The following KCNK3 variants were observed in gnomAD, a reference collection of about 807,000 sequenced individuals.
The protein encoded by KCNK3 is potassium channel subfamily K member 3.
KCNK3 carries 9 observed loss-of-function variants against 27.3 expected under a neutral mutation model. The observed-to-expected ratio is 0.33, with a 90% CI of 0.20 to 0.57. The LOEUF (loss-of-function observed/expected upper bound fraction) is 0.57. Ranked by LOEUF, KCNK3 falls within the 20% of genes least tolerant of loss-of-function variation. The probability of loss-of-function intolerance (pLI) is 0.87; values close to 1 mark genes in which losing one functional copy is unlikely to be tolerated. For synonymous variants in KCNK3, 278 were observed against 273.8 expected (o/e 1.02, Z -0.15); for missense variants, 391 against 577.7 (o/e 0.68, Z 3.31).
chr2:26,717,788 C>T (rs1490870919), intron 1 of KCNK3, among the ~76,000 whole-genome samples: 1 of 152,202 alleles, frequency 6.6e-6, no homozygotes, highest in Admixed American at 6.5e-5. Context: ...GCATTGCCTG[C>T]TTTAGCCCTC....
intron 1 of KCNK3, among the ~76,000 whole-genome samples, chr2:26,700,958 C>A (rs1170756398): frequency 1.3e-5 from 2 of 152,170 alleles, no homozygotes; most frequent in Admixed American, 1.3e-4. Context: ...TAAGTCAATA[C>A]TTCTCAAACT....
chr2:26,717,937 G>T (rs930544300), intron 1 of KCNK3, among the ~76,000 whole-genome samples: 3 of 152,168 alleles, frequency 2.0e-5, no homozygotes, highest in Non-Finnish European at 4.4e-5. Context: ...AGGTGTGAGG[G>T]ATCCAGTAGC....
intron 1 of KCNK3, chr2:26,724,648 C>T (rs1456886110): frequency 2.0e-6 from 2 of 983,836 alleles, no homozygotes; most frequent in Admixed American, 1.2e-4. Flanking sequence ...GGAGGCACAT[C>T]TAGGCCAGGG....
At position 26,728,215 on chromosome 2, in the gene KCNK3, A is replaced by T. The variant is rs368524386; in HGVS notation, c.832A>T (p.Ser278Cys). The change falls in exon 2 of 2, where the codon AGC becomes TGC. Residue 278 changes from serine (S) to cysteine (C), a missense_variant. Ser to Cys is a moderately radical substitution (Grantham distance 112). Coordinates refer to ENST00000302909, the MANE Select transcript of KCNK3 (RefSeq NM_002246.3). ...GGCGGGCGGCGGCGGAGGGGGTGGC[A>T]GCGCGCACACTACGGACACCGCCTC... Reference protein sequence around the residue: ...GQAGGGGGGGSAHTTDTASST... With the variant: ...GQAGGGGGGGCAHTTDTASST... 379 of 1,562,388 alleles carry T rather than the reference A, an allele frequency of 2.4e-4. No homozygotes were observed. The highest frequency in any genetic ancestry group is 5.1e-4 in the South Asian group (44 of 86,290).
At chr2:26,723,101 A>C (rs555081280) in intron 1 of KCNK3, among the ~76,000 whole-genome samples, 1 of 152,334 alleles carries the variant, frequency 6.6e-6, no homozygotes, top group East Asian at 1.9e-4. Context: ...TCAAGCAAGC[A>C]GACTAGCAGG....
At position 26,732,144 on chromosome 2, in the gene KCNK3, C is replaced by T. The variant is rs2148041556; in HGVS notation, c.*3576C>T. 6.6e-6 allele frequency: 1 copy of T among 152,484 alleles called. No homozygotes were observed. Among genetic ancestry groups the T allele is most frequent in the East Asian group, 1.9e-4 (1 of 5,188 alleles). 9.4% of individuals were successfully genotyped at this position (152,484 alleles called of 1,614,324 possible). A position where few individuals can be genotyped will look rare whatever the true frequency, so the allele number is the denominator to read the frequency against. On this transcript the variant is annotated 3_prime_UTR_variant, in exon 2 of 2. Transcript: ENST00000302909. ...GTGAGAGCAGACCCACCTTATCCAT[C>T]TGGTGCCAGCTCCCCAGGTCAGCTA... is the stretch of plus-strand genomic sequence containing the variant.
In KCNK3 at chr2:26,730,508, C is replaced by G. The variant is rs1049307353; in HGVS notation, c.*1940C>G. ...GGGGTGGATGAGGGGCCTCTCCTCC[C>G]GCAACACTGCCTTCCCATGCTGTTC... On this transcript the variant is annotated 3_prime_UTR_variant, in exon 2 of 2. Transcript: ENST00000302909. The G allele has an allele frequency of 1.3e-5, 2 of 152,350 alleles. No homozygotes were observed. The highest frequency in any genetic ancestry group is 2.9e-5 in the Non-Finnish European group (2 of 68,150). The allele number at this position is 152,350 out of a possible 1,614,324, so 9.4% of individuals were successfully genotyped here.
intron 1 of KCNK3, among the ~76,000 whole-genome samples, chr2:26,694,421 T>G (rs1204290497): frequency 6.6e-6 from 1 of 152,192 alleles, no homozygotes; most frequent in Non-Finnish European, 1.5e-5. Flanking sequence ...ATTGTTTTCC[T>G]GGGAGTCAAC....
At chr2:26,715,584 G>A (rs180995274) in intron 1 of KCNK3, among the ~76,000 whole-genome samples, 37 of 152,364 alleles carry the variant, frequency 2.4e-4, no homozygotes, top group Non-Finnish European at 4.3e-4. Context: ...GAGAAGCTGG[G>A]TACCAACACG....
At chr2:26,720,740 G>A (rs554547566) in intron 1 of KCNK3, among the ~76,000 whole-genome samples, 3 of 152,280 alleles carry the variant, frequency 2.0e-5, no homozygotes, top group African/African-American at 7.2e-5. Flanking sequence ...AGCTGGGAGA[G>A]GAGATGGGAC....
chr2:26,729,146 C>A lies in KCNK3; in HGVS notation c.*578C>A. 6.5e-6 allele frequency: 1 copy of A among 152,744 alleles called. No homozygotes were observed. 9.5% of individuals were successfully genotyped at this position (152,744 alleles called of 1,614,324 possible). On this transcript the variant is annotated 3_prime_UTR_variant, in exon 2 of 2. Transcript: ENST00000302909. ...ACCCAGCAGTCCCTAAAGCTGGTCC[C>A]CAGAAAGCAGGACAGAAAGAAGGAG...
Position 26,728,598 on chromosome 2 carries a change from G to T in KCNK3, c.*30G>T, listed in dbSNP as rs571255777. 6 of 1,408,746 alleles carry T rather than the reference G, an allele frequency of 4.3e-6. No individual in the cohort carries two copies. Among genetic ancestry groups the T allele is most frequent in the Non-Finnish European group, 5.5e-6 (6 of 1,082,214 alleles). 87.3% of individuals were successfully genotyped at this position (1,408,746 alleles called of 1,614,324 possible). A position where few individuals can be genotyped will look rare whatever the true frequency, so the allele number is the denominator to read the frequency against. On this transcript the variant is annotated 3_prime_UTR_variant, in exon 2 of 2. Transcript: ENST00000302909. The stretch of plus-strand genomic sequence containing the variant: ...CCCGAGGGGCCTGGAGCACCTGGGG[G>T]CGCGGGCGGGGGACCCCTGCTGGGA...
chr2:26,721,317 G>A lies in KCNK3; in HGVS notation c.284-6350G>A, dbSNP rs1195957670. 2.2e-4 allele frequency among the ~76,000 whole-genome samples: 33 copies of A among 152,100 alleles called. No individual in the cohort carries two copies. The highest frequency in any genetic ancestry group is 2.0e-3 in the Admixed American group (31 of 15,282). ...GGTTCCCAGAAGGTTCTCGGGAAAG[G>A]CAGTGTCTGAGCTGCATCTCACAGG... is the stretch of plus-strand genomic sequence containing the variant. On this transcript the variant is annotated intron_variant, in intron 1 of 1. Transcript: ENST00000302909. The surrounding 1 kb of genome is among the most constrained non-coding windows in gnomAD (Gnocchi z 4.3).
chr2:26,728,503 G>C lies in KCNK3; in HGVS notation c.1120G>C (p.Val374Leu). 6.5e-7 allele frequency: 1 copy of C among 1,526,788 alleles called. No individual in the cohort carries two copies. The highest frequency in any genetic ancestry group is 8.8e-7 in the Non-Finnish European group (1 of 1,134,230). 94.6% of individuals were successfully genotyped at this position (1,526,788 alleles called of 1,614,324 possible). A position where few individuals can be genotyped will look rare whatever the true frequency, so the allele number is the denominator to read the frequency against. The change falls in exon 2 of 2, where the codon GTG becomes CTG. Residue 374 changes from valine (V) to leucine (L), a missense_variant. Coordinates refer to ENST00000302909, the MANE Select transcript of KCNK3 (RefSeq NM_002246.3). Reference protein sequence around the residue: ...SGAPRSAISSVSTGLHSLSTF... With the variant: ...SGAPRSAISSLSTGLHSLSTF... ...GGCGCCACGCTCCGCCATCAGCTCGGTGTCCACGGGTCTGCACAGCCTGTC... is the reference window on the plus strand; with the variant it reads ...GGCGCCACGCTCCGCCATCAGCTCGCTGTCCACGGGTCTGCACAGCCTGTC...
At chr2:26,694,212 A>G (rs1321863544) in intron 1 of KCNK3, among the ~76,000 whole-genome samples, 1 of 152,130 alleles carries the variant, frequency 6.6e-6, no homozygotes, top group African/African-American at 2.4e-5. Context: ...GGTGGCCAAA[A>G]TGATCTCAAG....
chr2:26,722,983 G>T (rs182293914), intron 1 of KCNK3, among the ~76,000 whole-genome samples: 4 of 152,244 alleles, frequency 2.6e-5, no homozygotes, highest in Non-Finnish European at 5.9e-5. Context: ...TTTGATCAGG[G>T]TCAGGTCAGA....
chr2:26,727,895 T>G lies in KCNK3; in HGVS notation c.512T>G (p.Leu171Arg). 6.2e-7 allele frequency: 1 copy of G among 1,614,218 alleles called. No individual in the cohort carries two copies. Among genetic ancestry groups the G allele is most frequent in the Non-Finnish European group, 8.5e-7 (1 of 1,180,042 alleles). ...LIGFFSCIST[L>R]CIGAAAFSHY... is the part of the protein sequence containing the mutation. ...GGCTTCTTCTCGTGCATCAGCACGC[T>G]GTGCATCGGCGCCGCCGCCTTCTCC... Residue 171 changes from leucine to arginine, a missense_variant, in exon 2 of 2, where the codon CTG (leucine) becomes CGG (arginine). By Grantham distance (102) the Leu-to-Arg change is moderately radical (BLOSUM62 -2). Around this residue, in one of 4 missense-constraint regions of KCNK3, gnomAD observed 158 missense variants for 267.7 expected, o/e 0.59. Transcript: ENST00000302909.
Position 26,693,221 on chromosome 2 carries a change from C to G in KCNK3, c.283+63C>G. ...TGGGCGCGGGGCTCCGGGAGTCGTC[C>G]GGGGCCGGCTGGGGCTGGGGGCGGG... On this transcript the variant is annotated intron_variant, in intron 1 of 1. Transcript: ENST00000302909. The surrounding 1 kb of genome is among the most constrained non-coding windows in gnomAD (Gnocchi z 5.5). The G allele has an allele frequency of 4.2e-5, 13 of 306,976 alleles. No individual in the cohort carries two copies. Among genetic ancestry groups the G allele is most frequent in the South Asian group, 9.8e-5 (2 of 20,332 alleles). The allele number at this position is 306,976 out of a possible 1,614,324, so 19.0% of individuals were successfully genotyped here.
In KCNK3 at chr2:26,693,202, C is replaced by A; in HGVS notation, c.283+44C>A. On this transcript the variant is annotated intron_variant, in intron 1 of 1. Transcript: ENST00000302909. This position sits in a 1 kb window ranked among gnomAD's most constrained non-coding sequence, Gnocchi z 5.5. ...GGGGGCGGGAACCCAGGGCTGGGCG[C>A]GGGGCTCCGGGAGTCGTCCGGGGCC... The A allele has an allele frequency of 1.3e-6, 1 of 765,072 alleles. No homozygotes were observed. The highest frequency in any genetic ancestry group is 1.7e-6 in the Non-Finnish European group (1 of 575,120). 47.4% of individuals were successfully genotyped at this position (765,072 alleles called of 1,614,324 possible). A position where few individuals can be genotyped will look rare whatever the true frequency, so the allele number is the denominator to read the frequency against.
Sources: allele counts gnomAD v4.1 joint callset (sites outside exome capture counted in the v4.1 genomes callset), GRCh38; gene constraint gnomAD v4.1.1; regional missense constraint gnomAD v4.1.1; non-coding constraint Gnocchi (gnomAD v3.1); transcripts MANE v1.5; gene names NCBI Gene and HGNC (gene_info 2026-07-23, HGNC 2026-07-21).